Variants in TNR observed in about 807,000 individuals in gnomAD.
The protein encoded by TNR is tenascin R.
Under a neutral mutation model 150.4 loss-of-function variants are expected in TNR, and 45 were observed. That is an observed-to-expected ratio of 0.30 (90% confidence interval 0.24 to 0.38). The LOEUF (loss-of-function observed/expected upper bound fraction) is 0.38, where lower values mean the gene tolerates loss of function less well. TNR is among the 10% of genes least tolerant of loss of function. TNR has a pLI of 1.00. For missense variants in TNR, 1,544 were observed against 1,759.1 expected (o/e 0.88, Z 2.19); for synonymous variants, 687 against 678.4 (o/e 1.01, Z -0.20).
intron 1 of TNR, among the ~76,000 whole-genome samples, chr1:175,631,444 T>C (rs1265680128): frequency 2.6e-5 from 4 of 152,220 alleles, no homozygotes; most frequent in African/African-American, 7.2e-5. Context: ...CAACCCAAAT[T>C]TGTAAACTTT....
At chr1:175,574,775 GCTTC>G (rs974917430) in intron 1 of TNR, among the ~76,000 whole-genome samples, 2 of 152,234 alleles carry the variant, frequency 1.3e-5, no homozygotes, top group African/African-American at 4.8e-5. Context: ...AAGGCATGCT[GCTTC>G]CTTCCAAGTG....
intron 2 of TNR, among the ~76,000 whole-genome samples, chr1:175,473,914 C>A (rs559095523): frequency 6.6e-6 from 1 of 152,146 alleles, no homozygotes; most frequent in Non-Finnish European, 1.5e-5. Flanking sequence ...GATTCATGGC[C>A]GCCTGTATGC....
intron 2 of TNR, among the ~76,000 whole-genome samples, chr1:175,468,759 G>A (rs1657145308): frequency 6.6e-6 from 1 of 152,204 alleles, no homozygotes; most frequent in Non-Finnish European, 1.5e-5. Flanking sequence ...GTGCTTCAGT[G>A]TGGCTGGAGC....
At chr1:175,431,077 G>A (rs771721840) in intron 2 of TNR, among the ~76,000 whole-genome samples, 1 of 151,948 alleles carries the variant, frequency 6.6e-6, no homozygotes, top group Non-Finnish European at 1.5e-5. Flanking sequence ...AATCTTTCAC[G>A]GCTCCACACA....
intron 1 of TNR, among the ~76,000 whole-genome samples, chr1:175,689,066 G>A (rs944454990): frequency 6.6e-6 from 1 of 152,220 alleles, no homozygotes; most frequent in Non-Finnish European, 1.5e-5. Flanking sequence ...TAGAGTTCTT[G>A]GCATCCTGCA....
intron 1 of TNR, among the ~76,000 whole-genome samples, chr1:175,538,308 C>G (rs148682643): frequency 1.3e-5 from 2 of 152,218 alleles, no homozygotes; most frequent in Non-Finnish European, 1.5e-5. Flanking sequence ...AGTAGAGTCT[C>G]AACTTAGCAG....
chr1:175,464,091 C>G (rs894512294), intron 2 of TNR, among the ~76,000 whole-genome samples: 1 of 152,242 alleles, frequency 6.6e-6, no homozygotes, highest in African/African-American at 2.4e-5. Flanking sequence ...TGACTAATCA[C>G]TTTCCTCACA....
chr1:175,598,116 G>A (rs2101844153), intron 1 of TNR, among the ~76,000 whole-genome samples: 1 of 152,268 alleles, frequency 6.6e-6, no homozygotes, highest in South Asian at 2.1e-4. Context: ...TAAGGCAAGG[G>A]ACCGTCCTTG....
chr1:175,351,996 T>A, intron 18 of TNR, among the ~76,000 whole-genome samples: 1 of 152,190 alleles, frequency 6.6e-6, no homozygotes, highest in East Asian at 1.9e-4. Flanking sequence ...CCCTGCACTG[T>A]CCACCAAATG....
At chr1:175,425,102 C>A (rs1654914311) in intron 2 of TNR, among the ~76,000 whole-genome samples, 1 of 152,052 alleles carries the variant, frequency 6.6e-6, no homozygotes, top group African/African-American at 2.4e-5. Context: ...TATGAAACCA[C>A]TGTCGAAGAC....
intron 1 of TNR, among the ~76,000 whole-genome samples, chr1:175,608,378 A>T (rs954084254): frequency 3.9e-5 from 6 of 152,254 alleles, no homozygotes; most frequent in Admixed American, 2.6e-4. Context: ...CATCACATAC[A>T]AAAGTAAAAT....
At chr1:175,636,481 G>C (rs1024106232) in intron 1 of TNR, among the ~76,000 whole-genome samples, 1 of 152,010 alleles carries the variant, frequency 6.6e-6, no homozygotes, top group Admixed American at 6.6e-5. Flanking sequence ...CCATGCCCCA[G>C]GTCCCAGGCT....
chr1:175,396,416 T>A, intron 5 of TNR, 128 bp downstream of exon 5: 1 of 1,233,928 alleles, frequency 8.1e-7, no homozygotes, highest in Non-Finnish European at 1.1e-6. Flanking sequence ...TCTCTAGCCC[T>A]TCCCCTCAAG....
intron 2 of TNR, among the ~76,000 whole-genome samples, chr1:175,504,754 A>G (rs1041843052): frequency 5.9e-5 from 9 of 152,152 alleles, no homozygotes; most frequent in Non-Finnish European, 1.0e-4. Flanking sequence ...CTGGTTCCCC[A>G]TGTGTTGGAG....
chr1:175,444,867 G>T (rs1655966443), intron 2 of TNR, among the ~76,000 whole-genome samples: 2 of 152,208 alleles, frequency 1.3e-5, no homozygotes, highest in African/African-American at 2.4e-5. Context: ...ACAGAGGAAG[G>T]AATGACTCAG....
chr1:175,323,748 G>A (rs1649197177), intron 22 of TNR, among the ~76,000 whole-genome samples: 1 of 152,194 alleles, frequency 6.6e-6, no homozygotes, highest in Admixed American at 6.5e-5. Context: ...TCCAGGAGTG[G>A]CATGCACCAG....
At chr1:175,615,220 T>C (rs922806645) in intron 1 of TNR, among the ~76,000 whole-genome samples, 1 of 152,218 alleles carries the variant, frequency 6.6e-6, no homozygotes, top group Non-Finnish European at 1.5e-5. Flanking sequence ...ATTCTATTTT[T>C]AACTGGTGTG....
chr1:175,355,014 T>C (rs1651251480), intron 17 of TNR, among the ~76,000 whole-genome samples: 1 of 152,246 alleles, frequency 6.6e-6, no homozygotes, highest in African/African-American at 2.4e-5. Flanking sequence ...GTTGTTTCTT[T>C]ACTGTAGGCT....
intron 1 of TNR, among the ~76,000 whole-genome samples, chr1:175,574,592 C>G (rs1489788724): frequency 1.3e-5 from 2 of 152,166 alleles, no homozygotes; most frequent in African/African-American, 4.8e-5. Flanking sequence ...TACATACACA[C>G]ACACACACAC....
Sources: allele counts gnomAD v4.1 joint callset (sites outside exome capture counted in the v4.1 genomes callset), GRCh38; gene constraint gnomAD v4.1.1; transcripts MANE v1.5; gene names NCBI Gene and HGNC (gene_info 2026-07-23, HGNC 2026-07-21).